PCNX1: variants seen among roughly 807,000 people sequenced by gnomAD.
PCNX1 encodes the protein pecanex 1.
A neutral mutation model predicts 242.2 loss-of-function variants in PCNX1; 78 were observed. The observed-to-expected ratio is 0.32, with a 90% CI of 0.27 to 0.39. PCNX1 has a LOEUF of 0.39. Ranked by LOEUF, PCNX1 falls within the 10% of genes least tolerant of loss-of-function variation. The pLI is 1.00. For synonymous variants in PCNX1, 1,024 were observed against 1,032.9 expected (o/e 0.99, Z 0.17); for missense variants, 2,581 against 2,856.5 (o/e 0.90, Z 2.20).
At chr14:71,108,048 A>G (rs1005510787) in intron 33 of PCNX1, among the ~76,000 whole-genome samples, 11 of 152,160 alleles carry the variant, frequency 7.2e-5, no homozygotes, top group African/African-American at 2.7e-4. Context: ...AGACCTCCAG[A>G]GCTTGTTCCT....
At chr14:71,076,837 G>A (rs572603968) in intron 28 of PCNX1, among the ~76,000 whole-genome samples, 2 of 152,274 alleles carry the variant, frequency 1.3e-5, no homozygotes, top group African/African-American at 4.8e-5. Flanking sequence ...CTGCAGTGTT[G>A]GAAATATGCT....
intron 11 of PCNX1, among the ~76,000 whole-genome samples, chr14:71,015,288 CTA>C (rs771668290): frequency 2.6e-5 from 4 of 152,082 alleles, no homozygotes; most frequent in East Asian, 1.9e-4. Flanking sequence ...TGGTAAGTCA[CTA>C]TATGGATAAA....
At chr14:70,951,438 G>A (rs775258903) in intron 2 of PCNX1, among the ~76,000 whole-genome samples, 3 of 151,956 alleles carry the variant, frequency 2.0e-5, no homozygotes, top group Admixed American at 6.6e-5. Flanking sequence ...GCAGTGGTGC[G>A]ATCTCGGCTC....
chr14:70,923,482 A>G (rs576690321), intron 1 of PCNX1, among the ~76,000 whole-genome samples: 1 of 152,326 alleles, frequency 6.6e-6, no homozygotes, highest in South Asian at 2.1e-4. Context: ...ACAAAACTCC[A>G]AAAGATGATG....
At chr14:70,953,145 G>A (rs1467535530) in intron 2 of PCNX1, among the ~76,000 whole-genome samples, 1 of 152,104 alleles carries the variant, frequency 6.6e-6, no homozygotes, top group African/African-American at 2.4e-5. Flanking sequence ...TAGGTATGGT[G>A]GTGTGCACCT....
chr14:70,933,553 T>G (rs1247058907), intron 1 of PCNX1, among the ~76,000 whole-genome samples: 2 of 152,232 alleles, frequency 1.3e-5, no homozygotes, highest in Non-Finnish European at 2.9e-5. Context: ...ATCTATGGCT[T>G]CTTTTATGCT....
rs1449077501 is a variant in PCNX1, at chr14:70,977,643, G to A, written c.1306G>A (p.Gly436Ser). 1 of 1,614,136 alleles carries A rather than the reference G, an allele frequency of 6.2e-7. No homozygotes were observed. Among genetic ancestry groups the A allele is most frequent in the South Asian group, 1.1e-5 (1 of 91,080 alleles). Residue 436 changes from glycine to serine, a missense_variant, in exon 6 of 36, where the codon GGC becomes AGC. By Grantham distance (56) the Gly-to-Ser change is moderately conservative (BLOSUM62 0). Transcript: ENST00000304743. ...TGGGAGGAAGAAAGAGTGCTGTGCAGGCCCAGAGGAGAAGAATAGCTGTGC... is the reference window on the plus strand; with the variant it reads ...TGGGAGGAAGAAAGAGTGCTGTGCAAGCCCAGAGGAGAAGAATAGCTGTGC... ...KSGRKKECCAGPEEKNSCASD... is the reference protein window; with the variant it reads ...KSGRKKECCASPEEKNSCASD...
intron 5 of PCNX1, among the ~76,000 whole-genome samples, chr14:70,975,022 T>C (rs2058652785): frequency 6.6e-6 from 1 of 152,180 alleles, no homozygotes. Flanking sequence ...TCTTTTAAAA[T>C]GAAATACTTA....
At chr14:70,998,750 CAAAAAAAAAAA>C (rs34044438) in intron 8 of PCNX1, among the ~76,000 whole-genome samples, 1 of 89,084 alleles carries the variant, frequency 1.1e-5, no homozygotes, top group South Asian at 3.7e-4. Context: ...GACCCTATCT[CAAAAAAAAAAA>C]AAAAAAAAAA....
At chr14:71,086,316 G>A (rs985848011) in intron 28 of PCNX1, among the ~76,000 whole-genome samples, 1 of 152,150 alleles carries the variant, frequency 6.6e-6, no homozygotes, top group African/African-American at 2.4e-5. Flanking sequence ...TTTTGATTGA[G>A]TGGTTAATTG....
intron 28 of PCNX1, among the ~76,000 whole-genome samples, chr14:71,076,663 C>T (rs923096218): frequency 5.3e-5 from 8 of 152,202 alleles, no homozygotes; most frequent in African/African-American, 1.7e-4. Context: ...GTAGCACCTC[C>T]TTCATCCTGG....
Position 71,052,020 on chromosome 14 carries a change from A to G in PCNX1, c.4577+8A>G. ...CTGGGAGAGAGACTATAAGTGAGTA[A>G]AGTAAAACACTTGAAAAACAATTTT... is the stretch of plus-strand genomic sequence containing the variant. On this transcript the variant is annotated splice_region_variant and intron_variant, in intron 24 of 35. Coordinates refer to ENST00000304743, the MANE Select transcript of PCNX1 (RefSeq NM_014982.3). The G allele has an allele frequency of 1.2e-6, 2 of 1,600,472 alleles. No individual in the cohort carries two copies. The highest frequency in any genetic ancestry group is 1.7e-6 in the Non-Finnish European group (2 of 1,174,870).
intron 1 of PCNX1, among the ~76,000 whole-genome samples, chr14:70,921,249 C>T (rs976091007): frequency 6.6e-6 from 1 of 152,090 alleles, no homozygotes; most frequent in Non-Finnish European, 1.5e-5. Flanking sequence ...TTTCCACAAG[C>T]CTCACAGACC....
intron 13 of PCNX1, among the ~76,000 whole-genome samples, chr14:71,023,778 G>C (rs1185257543): frequency 6.6e-6 from 1 of 152,004 alleles, no homozygotes; most frequent in Admixed American, 6.6e-5. Flanking sequence ...TGTAAATTGA[G>C]GTTTTAATAG....
At chr14:71,028,055 T>G (rs1294281689) in intron 15 of PCNX1, among the ~76,000 whole-genome samples, 1 of 151,932 alleles carries the variant, frequency 6.6e-6, no homozygotes, top group East Asian at 1.9e-4. Flanking sequence ...TACCCATGTT[T>G]TAAAAATAAA....
chr14:70,932,192 G>A (rs906805861), intron 1 of PCNX1, among the ~76,000 whole-genome samples: 2 of 152,146 alleles, frequency 1.3e-5, no homozygotes, highest in African/African-American at 2.4e-5. Context: ...ATTTGGAAAC[G>A]AAACTTTTTC....
At chr14:71,007,515 A>G (rs1054983207) in intron 8 of PCNX1, among the ~76,000 whole-genome samples, 2 of 152,178 alleles carry the variant, frequency 1.3e-5, no homozygotes, top group African/African-American at 4.8e-5. Context: ...TTATGTTATG[A>G]CAATACATTT....
intron 7 of PCNX1, among the ~76,000 whole-genome samples, chr14:70,990,388 T>C (rs2059128560): frequency 6.7e-6 from 1 of 150,180 alleles, no homozygotes; most frequent in Non-Finnish European, 1.5e-5. Context: ...TGAAACCTCG[T>C]CTCTACTAAA....
At chr14:71,047,226 AT>A in intron 21 of PCNX1, 121 bp downstream of exon 21, 1 of 556,098 alleles carries the variant, frequency 1.8e-6, no homozygotes, top group Non-Finnish European at 2.9e-6. Flanking sequence ...GAGATTAAAA[AT>A]TTAGGTGACA....
Sources: allele counts gnomAD v4.1 joint callset (sites outside exome capture counted in the v4.1 genomes callset), GRCh38; gene constraint gnomAD v4.1.1; transcripts MANE v1.5; gene names NCBI Gene and HGNC (gene_info 2026-07-23, HGNC 2026-07-21).